The following FAM110B variants were observed in gnomAD, a reference collection of about 807,000 sequenced individuals.
FAM110B encodes family with sequence similarity 110 member B.
In FAM110B, 6 loss-of-function variants were observed where a neutral mutation model predicts 20.4. The ratio of observed to expected loss-of-function variants is 0.29; its 90% CI spans 0.16 to 0.58. The LOEUF (loss-of-function observed/expected upper bound fraction) is 0.58, where lower values mean the gene tolerates loss of function less well. FAM110B is among the 20% of genes least tolerant of loss of function. The probability of loss-of-function intolerance (pLI) is 0.90; values close to 1 mark genes in which losing one functional copy is unlikely to be tolerated. For missense variants in FAM110B, 434 were observed against 498.2 expected (o/e 0.87, Z 1.23); for synonymous variants, 226 against 214.1 (o/e 1.06, Z -0.49).
At chr8:58,075,751 A>C (rs147798528) in intron 3 of FAM110B, 128 bp downstream of exon 3, 1 of 152,172 alleles carries the variant, frequency 6.6e-6, no homozygotes, top group Admixed American at 6.5e-5. Context: ...GGCAATAAAT[A>C]AATAAATAAA....
chr8:58,080,580 T>G (rs1278429521), intron 3 of FAM110B, among the ~76,000 whole-genome samples: 1 of 152,152 alleles, frequency 6.6e-6, no homozygotes, highest in Non-Finnish European at 1.5e-5. Flanking sequence ...CTCAGAGAAG[T>G]TCAGAGAGAT....
At chr8:58,037,143 C>T (rs1448930713) in intron 2 of FAM110B, among the ~76,000 whole-genome samples, 6 of 150,826 alleles carry the variant, frequency 4.0e-5, no homozygotes, top group Non-Finnish European at 8.8e-5. Flanking sequence ...TTTTTTTTTA[C>T]ATAGTCTATA....
At chr8:58,028,783 C>T (rs1050193117) in intron 1 of FAM110B, among the ~76,000 whole-genome samples, 2 of 152,146 alleles carry the variant, frequency 1.3e-5, no homozygotes, top group African/African-American at 4.8e-5. Context: ...CATCTGTTGG[C>T]CAGATTTCAT....
At chr8:58,090,985 T>G (rs1353474728) in intron 3 of FAM110B, among the ~76,000 whole-genome samples, 1 of 152,232 alleles carries the variant, frequency 6.6e-6, no homozygotes, top group Admixed American at 6.5e-5. Flanking sequence ...AAGCATTTAC[T>G]TGGATTTCTC....
intron 1 of FAM110B, among the ~76,000 whole-genome samples, chr8:58,025,609 T>A (rs190828537): frequency 6.6e-6 from 1 of 152,280 alleles, no homozygotes; most frequent in Non-Finnish European, 1.5e-5. Flanking sequence ...TTAATTTTGC[T>A]GAAAGGCTGG....
At chr8:58,002,016 T>C (rs1281419305) in intron 1 of FAM110B, among the ~76,000 whole-genome samples, 6 of 149,690 alleles carry the variant, frequency 4.0e-5, no homozygotes, top group African/African-American at 9.8e-5. Context: ...GCTAAGCAGC[T>C]AGAGAGAGAG....
At chr8:58,073,662 A>G (rs1043296605) in intron 2 of FAM110B, among the ~76,000 whole-genome samples, 1 of 152,194 alleles carries the variant, frequency 6.6e-6, no homozygotes. Context: ...TTTGATTGCT[A>G]TTATACTCTT....
chr8:58,136,299 C>T (rs753448907), intron 3 of FAM110B, among the ~76,000 whole-genome samples: 15 of 152,064 alleles, frequency 9.9e-5, no homozygotes, highest in South Asian at 2.1e-4. Flanking sequence ...CGTGAGCCAC[C>T]GTGCCCCGGC....
intron 1 of FAM110B, among the ~76,000 whole-genome samples, chr8:58,001,551 G>A (rs1484659557): frequency 6.6e-6 from 1 of 152,104 alleles, no homozygotes; most frequent in East Asian, 1.9e-4. Flanking sequence ...GGATTCACTA[G>A]CGTTACAAGA....
Position 58,146,447 on chromosome 8 carries a change from G to C in FAM110B, c.217G>C (p.Glu73Gln). 6.2e-7 allele frequency: 1 copy of C among 1,613,634 alleles called. No homozygotes were observed. Among genetic ancestry groups the C allele is most frequent in the Non-Finnish European group, 8.5e-7 (1 of 1,179,712 alleles). ...KSQEVINAKQ[E>Q]PVKPAVLAKP... Reference sequence around the variant, plus strand: ...CCAGGAGGTGATCAACGCCAAGCAGGAGCCCGTGAAGCCCGCCGTGCTGGC... The same window carrying C: ...CCAGGAGGTGATCAACGCCAAGCAGCAGCCCGTGAAGCCCGCCGTGCTGGC... The change falls in exon 4 of 4, where the codon GAG becomes CAG. Residue 73 changes from glutamate to glutamine, a missense_variant. Around this residue, in one of 3 missense-constraint regions of FAM110B, gnomAD observed 284 missense variants for 278.3 expected, o/e 1.02. Coordinates refer to ENST00000519262, the MANE Select transcript of FAM110B (RefSeq NM_001377989.1).
intron 3 of FAM110B, among the ~76,000 whole-genome samples, chr8:58,141,811 G>A (rs149903541): frequency 2.0e-5 from 3 of 152,320 alleles, no homozygotes; most frequent in Admixed American, 1.3e-4. Flanking sequence ...ATGGCAGCCC[G>A]TAGCGGGGGG....
intron 1 of FAM110B, among the ~76,000 whole-genome samples, chr8:58,002,475 T>C (rs1216189657): frequency 6.6e-6 from 1 of 152,242 alleles, no homozygotes; most frequent in African/African-American, 2.4e-5. Context: ...ACTTCCTTTA[T>C]TGAACCAATT....
At position 58,147,590 on chromosome 8, in the gene FAM110B, A is replaced by G. The variant is rs919768885; in HGVS notation, c.*247A>G. 1 of 513,408 alleles carries G rather than the reference A, an allele frequency of 1.9e-6. No homozygotes were observed. The highest frequency in any genetic ancestry group is 3.7e-5 in the Admixed American group (1 of 26,812). 31.8% of individuals were successfully genotyped at this position (513,408 alleles called of 1,614,324 possible). Reference sequence around the variant, plus strand: ...AGAATCTAATTAGGGCTTTGCTCGTAAGCAAAACTGTTTACATGAAAATGG... The same window carrying G: ...AGAATCTAATTAGGGCTTTGCTCGTGAGCAAAACTGTTTACATGAAAATGG... On this transcript the variant is annotated 3_prime_UTR_variant, in exon 4 of 4. Transcript: ENST00000519262.
chr8:58,052,764 G>A (rs1266951864), intron 2 of FAM110B, among the ~76,000 whole-genome samples: 1 of 140,374 alleles, frequency 7.1e-6, no homozygotes, highest in Non-Finnish European at 1.5e-5. Flanking sequence ...TGGTGAGAGT[G>A]ATGGACTCTT....
intron 3 of FAM110B, among the ~76,000 whole-genome samples, chr8:58,105,879 T>A (rs559516785): frequency 1.3e-4 from 20 of 152,280 alleles, no homozygotes; most frequent in Admixed American, 1.2e-3. Context: ...CTGAATGAAT[T>A]TTTTAAAAAG....
rs1327247551 is a variant in FAM110B at position 58,044,173 on chromosome 8, CAT to C, written c.-414+12471_-414+12472del. 5.3e-5 allele frequency among the ~76,000 whole-genome samples: 8 copies of C among 152,302 alleles called. No individual in the cohort carries two copies. The South Asian group carries it at 6.2e-4, about 12-fold the overall frequency. On this transcript the variant is annotated intron_variant, in intron 2 of 3. Coordinates refer to ENST00000519262, the MANE Select transcript of FAM110B (RefSeq NM_001377989.1). ...GCAGCATGAGTTCACACCTAGATAACATGTGTTCTCAGAGGCACTGCATATAC... is the reference window on the plus strand; with the variant it reads ...GCAGCATGAGTTCACACCTAGATAACGTGTTCTCAGAGGCACTGCATATAC...
chr8:58,141,519 C>T (rs1803742330), intron 3 of FAM110B, among the ~76,000 whole-genome samples: 2 of 152,320 alleles, frequency 1.3e-5, no homozygotes, highest in South Asian at 4.1e-4. Flanking sequence ...AGGGGAATTA[C>T]TCATTCTCAC....
In FAM110B at chr8:58,009,168, A is replaced by G. The variant is rs146876765; in HGVS notation, c.-512+14362A>G. Among the ~76,000 whole-genome samples, 744 of 152,364 alleles carry G rather than the reference A, an allele frequency of 4.9e-3. 8 individuals are homozygous for G. Among genetic ancestry groups the G allele is most frequent in the Middle Eastern group, 0.017 (5 of 292 alleles). On this transcript the variant is annotated intron_variant, in intron 1 of 3. Transcript: ENST00000519262. ...TTCCAGCCAGCGGAGTCTTGTGAAT[A>G]TCTGCTTTGGTCTTAAACCTCTCTG...
intron 3 of FAM110B, among the ~76,000 whole-genome samples, chr8:58,090,135 G>C (rs921109268): frequency 1.3e-5 from 2 of 152,142 alleles, no homozygotes; most frequent in African/African-American, 4.8e-5. Flanking sequence ...TCCACTTAAT[G>C]AATAGTAAAT....
Sources: allele counts gnomAD v4.1 joint callset (sites outside exome capture counted in the v4.1 genomes callset), GRCh38; gene constraint gnomAD v4.1.1; regional missense constraint gnomAD v4.1.1; transcripts MANE v1.5; gene names NCBI Gene and HGNC (gene_info 2026-07-23, HGNC 2026-07-21).